The following DOCK4 variants were observed in gnomAD, a reference collection of about 807,000 sequenced individuals.
DOCK4 encodes dedicator of cytokinesis 4, also known as dedicator of cytokinesis protein 4.
In DOCK4, 97 loss-of-function variants were observed where a neutral mutation model predicts 268.1. The observed-to-expected ratio is 0.36, with a 90% CI of 0.31 to 0.43. The LOEUF (loss-of-function observed/expected upper bound fraction) is 0.43. Ranked by LOEUF, DOCK4 falls within the 20% of genes least tolerant of loss-of-function variation. The probability of loss-of-function intolerance (pLI) is 1.00; values close to 1 mark genes in which losing one functional copy is unlikely to be tolerated. For missense variants in DOCK4, 2,145 were observed against 2,455.7 expected, an observed-to-expected ratio of 0.87 and a Z score of 2.67; for synonymous variants, 954 against 887.2, an observed-to-expected ratio of 1.08 and a Z score of -1.34.
intron 1 of DOCK4, among the ~76,000 whole-genome samples, chr7:112,043,223 C>T (rs763322247): frequency 1.4e-5 from 2 of 145,500 alleles, no homozygotes; most frequent in Non-Finnish European, 2.9e-5. Context: ...GACACTGTTA[C>T]TAAATCTCCT....
chr7:112,083,522 C>T (rs1426009971), intron 1 of DOCK4, among the ~76,000 whole-genome samples: 4 of 151,900 alleles, frequency 2.6e-5, no homozygotes, highest in African/African-American at 9.7e-5. Flanking sequence ...TTTCTGGCAA[C>T]ATCTCTAATT....
chr7:111,873,541 A>G (rs1190424223), intron 17 of DOCK4, among the ~76,000 whole-genome samples: 1 of 152,230 alleles, frequency 6.6e-6, no homozygotes. Flanking sequence ...GCAGGGAAGC[A>G]GGAAATTTAC....
At chr7:111,918,598 T>TA (rs1792823661) in intron 12 of DOCK4, among the ~76,000 whole-genome samples, 1 of 152,166 alleles carries the variant, frequency 6.6e-6, no homozygotes, top group South Asian at 2.1e-4. Context: ...CAGCAGCTAT[T>TA]TCTCCCTAAC....
At chr7:111,888,836 G>C (rs1808056829) in intron 16 of DOCK4, among the ~76,000 whole-genome samples, 1 of 152,106 alleles carries the variant, frequency 6.6e-6, no homozygotes, top group African/African-American at 2.4e-5. Context: ...AGAGGATAGG[G>C]GAGCTCTTCA....
At chr7:111,900,668 C>A (rs1284860290) in intron 14 of DOCK4, 132 bp from the exon 15 acceptor site, 7 of 932,454 alleles carry the variant, frequency 7.5e-6, no homozygotes, top group East Asian at 2.6e-5. Context: ...GGGCCTTTGC[C>A]GTGTGTTTCT....
intron 21 of DOCK4, among the ~76,000 whole-genome samples, chr7:111,868,651 A>G (rs61148985): frequency 0.46 from 69,469 of 151,738 alleles, 16,919 homozygotes; most frequent in African/African-American, 0.62. Context: ...CGGAGGTTGC[A>G]GTGAGCAGAG....
intron 25 of DOCK4, among the ~76,000 whole-genome samples, chr7:111,840,221 T>C (rs571133027): frequency 3.9e-5 from 6 of 152,344 alleles, no homozygotes; most frequent in African/African-American, 7.2e-5. Context: ...ATTATTTTTT[T>C]CCACATATTT....
At chr7:112,146,258 C>G (rs1456509614) in intron 1 of DOCK4, among the ~76,000 whole-genome samples, 1 of 152,158 alleles carries the variant, frequency 6.6e-6, no homozygotes, top group East Asian at 1.9e-4. Context: ...TTCAAAGTCT[C>G]CAAGCAAAAG....
intron 1 of DOCK4, among the ~76,000 whole-genome samples, chr7:112,070,781 G>A (rs1807512681): frequency 6.6e-6 from 1 of 152,276 alleles, no homozygotes; most frequent in Non-Finnish European, 1.5e-5. Flanking sequence ...CTAAATCTAA[G>A]GGAAAAGGAA....
intron 1 of DOCK4, among the ~76,000 whole-genome samples, chr7:112,063,761 A>C (rs1806664458): frequency 6.6e-6 from 1 of 152,210 alleles, no homozygotes; most frequent in Non-Finnish European, 1.5e-5. Context: ...TACCCCTCAA[A>C]GATGTAAAAG....
At chr7:111,921,957 A>G (rs924299834) in intron 12 of DOCK4, among the ~76,000 whole-genome samples, 3 of 152,230 alleles carry the variant, frequency 2.0e-5, no homozygotes, top group African/African-American at 7.2e-5. Flanking sequence ...TAGGTTCTAT[A>G]AAGGTTTCAA....
chr7:112,143,143 C>T (rs1264858592), intron 1 of DOCK4, among the ~76,000 whole-genome samples: 1 of 151,368 alleles, frequency 6.6e-6, no homozygotes, highest in Non-Finnish European at 1.5e-5. Flanking sequence ...TAGTTCAAAA[C>T]CAAAAGGTTA....
chr7:111,823,594 T>C (rs1308550526), intron 26 of DOCK4, among the ~76,000 whole-genome samples: 1 of 152,138 alleles, frequency 6.6e-6, no homozygotes, highest in Admixed American at 6.5e-5. Context: ...GGAGATAATG[T>C]ACCACACACA....
chr7:112,193,549 T>G (rs1820158349), intron 1 of DOCK4, among the ~76,000 whole-genome samples: 1 of 149,586 alleles, frequency 6.7e-6, no homozygotes, highest in Non-Finnish European at 1.5e-5. Context: ...CAGTGAGCCA[T>G]GATCACACCA....
At chr7:111,762,624 G>C (rs1797481804) in intron 39 of DOCK4, among the ~76,000 whole-genome samples, 1 of 151,686 alleles carries the variant, frequency 6.6e-6, no homozygotes, top group South Asian at 2.1e-4. Context: ...CTACATTTTG[G>C]CTATTATGAA....
At chr7:112,158,882 C>T (rs745636152) in intron 1 of DOCK4, among the ~76,000 whole-genome samples, 18 of 152,180 alleles carry the variant, frequency 1.2e-4, no homozygotes, top group Non-Finnish European at 2.4e-4. Flanking sequence ...CTTGCCCATT[C>T]TCTTTTACTA....
chr7:111,752,598 T>TC (rs1459948191), intron 42 of DOCK4, among the ~76,000 whole-genome samples: 2 of 142,174 alleles, frequency 1.4e-5, no homozygotes, highest in African/African-American at 5.3e-5. Flanking sequence ...TTTTTTTTTT[T>TC]TTTTTGAGAC....
intron 38 of DOCK4, among the ~76,000 whole-genome samples, chr7:111,765,602 A>G (rs1797715496): frequency 6.6e-6 from 1 of 152,246 alleles, no homozygotes; most frequent in South Asian, 2.1e-4. Flanking sequence ...AGTAGAAATT[A>G]ACATGAATTA....
At chr7:112,197,970 G>GAAAAAAAAAAAAAA (rs10525534) in intron 1 of DOCK4, among the ~76,000 whole-genome samples, 1 of 111,092 alleles carries the variant, frequency 9.0e-6, no homozygotes, top group African/African-American at 3.6e-5. Flanking sequence ...GACCTGCCTA[G>GAAAAAAAAAAAAAA]AAAAAAAAAA....
Sources: gnomAD v4.1 joint callset for allele counts (sites outside exome capture counted in the v4.1 genomes callset) on GRCh38, gnomAD v4.1.1 for gene constraint, MANE v1.5 for transcripts, NCBI Gene and HGNC (gene_info 2026-07-23, HGNC 2026-07-21) for gene names.